PTPRM: variants seen among roughly 807,000 people sequenced by gnomAD.
PTPRM encodes the protein protein tyrosine phosphatase receptor type M.
A neutral mutation model predicts 186.7 loss-of-function variants in PTPRM; 47 were observed. The observed-to-expected ratio is 0.25, with a 90% confidence interval of 0.20 to 0.32. The LOEUF is 0.32. PTPRM is among the 10% of genes least tolerant of loss of function. The pLI, the probability that PTPRM is intolerant of heterozygous loss-of-function variation, is 1.00. For missense variants in PTPRM, 1,494 were observed against 1,865.0 expected (o/e 0.80, Z 3.66); for synonymous variants, 668 against 674.9 (o/e 0.99, Z 0.16).
intron 11 of PTPRM, among the ~76,000 whole-genome samples, chr18:8,099,755 C>A (rs2091201151): frequency 6.6e-6 from 1 of 152,148 alleles, no homozygotes; most frequent in South Asian, 2.1e-4. Context: ...ACAATTCATA[C>A]AAGTTAATAG....
At chr18:8,069,451 T>C (rs1046835580) in intron 7 of PTPRM, among the ~76,000 whole-genome samples, 13 of 152,344 alleles carry the variant, frequency 8.5e-5, no homozygotes, top group African/African-American at 3.1e-4. Flanking sequence ...TTTCATCTTA[T>C]ATGCCATTCA....
chr18:8,198,445 G>T (rs922579554), intron 14 of PTPRM, among the ~76,000 whole-genome samples: 1 of 151,988 alleles, frequency 6.6e-6, no homozygotes, highest in Non-Finnish European at 1.5e-5. Context: ...CATCACACCC[G>T]GCCAAAATTT....
chr18:7,641,871 T>G (rs1342071027), intron 1 of PTPRM, among the ~76,000 whole-genome samples: 1 of 152,184 alleles, frequency 6.6e-6, no homozygotes, highest in Non-Finnish European at 1.5e-5. Flanking sequence ...ATGAATTCAC[T>G]TTACAGATGA....
intron 31 of PTPRM, among the ~76,000 whole-genome samples, chr18:8,389,569 C>G (rs1391104592): frequency 6.6e-6 from 1 of 152,220 alleles, no homozygotes; most frequent in Non-Finnish European, 1.5e-5. Flanking sequence ...CTTTGGAATA[C>G]TCCCCCCTCC....
chr18:8,303,329 C>T (rs2095181695), intron 20 of PTPRM, among the ~76,000 whole-genome samples: 1 of 152,096 alleles, frequency 6.6e-6, no homozygotes, highest in African/African-American at 2.4e-5. Flanking sequence ...CGAGGTGTGA[C>T]TAATCAGTGA....
In PTPRM at chr18:7,622,516, T is replaced by A. The variant is rs7228736; in HGVS notation, c.73+54625T>A. ...GCTATTAACAGGGCTCTTGTCTGTA[T>A]GATGTAAACAATTAGAAGGAAGGAC... is the stretch of plus-strand genomic sequence containing the variant. On this transcript the variant is annotated intron_variant, in intron 1 of 32. Coordinates refer to ENST00000580170, the MANE Select transcript of PTPRM (RefSeq NM_001105244.2). Among the ~76,000 whole-genome samples, 6 of 151,952 alleles carry A rather than the reference T, an allele frequency of 3.9e-5. No individual in the cohort carries two copies. The South Asian group carries it at 1.2e-3, about 32-fold the overall frequency.
chr18:7,931,670 C>T (rs1053566789), intron 5 of PTPRM, among the ~76,000 whole-genome samples: 11 of 152,036 alleles, frequency 7.2e-5, no homozygotes, highest in African/African-American at 1.7e-4. Context: ...CACTGCACTC[C>T]GTCTCAAAAA....
At position 8,384,752 on chromosome 18, in the gene PTPRM, G is replaced by A. The variant is rs1359396061; in HGVS notation, c.4044+66G>A. On this transcript the variant is annotated intron_variant, in intron 30 of 32. Coordinates refer to ENST00000580170, the MANE Select transcript of PTPRM (RefSeq NM_001105244.2). ...TTATTTTCTCACTCACTGAATACTT[G>A]GAGCACTCACTCTATGTCAGTCACT... 8.2e-6 allele frequency: 13 copies of A among 1,584,548 alleles called. No homozygotes were observed. In the South Asian group the frequency reaches 1.0e-4, roughly 12 times the overall value.
At chr18:8,151,120 TGAG>T (rs1466903887) in intron 14 of PTPRM, among the ~76,000 whole-genome samples, 1 of 152,044 alleles carries the variant, frequency 6.6e-6, no homozygotes, top group African/African-American at 2.4e-5. Flanking sequence ...GGGACCCACT[TGAG>T]GAGGCACTCT....
chr18:7,631,484 G>A (rs1483643638), intron 1 of PTPRM, among the ~76,000 whole-genome samples: 6 of 148,696 alleles, frequency 4.0e-5, no homozygotes, highest in African/African-American at 7.6e-5. Context: ...ACGATATGCC[G>A]GGGGATTAAT....
chr18:8,002,759 A>G (rs2083942961), intron 7 of PTPRM, among the ~76,000 whole-genome samples: 3 of 152,206 alleles, frequency 2.0e-5, no homozygotes, highest in Admixed American at 1.3e-4. Context: ...TTGAGAACCA[A>G]TAAAGTATCA....
In PTPRM at chr18:7,822,882, G is replaced by A. The variant is rs141548767; in HGVS notation, c.196+48611G>A. Among the ~76,000 whole-genome samples the A allele has an allele frequency of 5.5e-4, 84 of 152,126 alleles. 1 individual carries two copies. The highest frequency in any genetic ancestry group is 1.9e-3 in the South Asian group (9 of 4,802). On this transcript the variant is annotated intron_variant, in intron 2 of 32. Transcript: ENST00000580170. Reference sequence around the variant, plus strand: ...TGCCTTTTGCACTTCCTTTCCTGCCGCAGCTGTGTGCTGTGGGCCAGGCTT... The same window carrying A: ...TGCCTTTTGCACTTCCTTTCCTGCCACAGCTGTGTGCTGTGGGCCAGGCTT...
In PTPRM at chr18:7,767,199, AC is replaced by A. The variant is rs564942640; in HGVS notation, c.74-6946del. ...TAAACAGTCTTAGGTGATGGCTCTC[AC>A]CCCAAAACCTTAAGAATACAAGTAG... On this transcript the variant is annotated intron_variant, in intron 1 of 32. Coordinates refer to ENST00000580170, the MANE Select transcript of PTPRM (RefSeq NM_001105244.2). Among the ~76,000 whole-genome samples the A allele has an allele frequency of 2.1e-4, 32 of 152,306 alleles. No homozygotes were observed. The South Asian group carries it at 6.4e-3, about 31-fold the overall frequency.
intron 2 of PTPRM, among the ~76,000 whole-genome samples, chr18:7,852,094 G>T (rs1567916349): frequency 6.6e-6 from 1 of 152,246 alleles, no homozygotes; most frequent in South Asian, 2.1e-4. Context: ...CTAGAAGAGA[G>T]CAGTAAAGGG....
At chr18:7,768,189 T>A (rs546991060) in intron 1 of PTPRM, among the ~76,000 whole-genome samples, 2 of 152,314 alleles carry the variant, frequency 1.3e-5, no homozygotes, top group Admixed American at 6.5e-5. Context: ...CCCAACTCCA[T>A]TTTCTTTGAT....
chr18:7,842,603 G>A (rs761236684), intron 2 of PTPRM, among the ~76,000 whole-genome samples: 1 of 151,988 alleles, frequency 6.6e-6, no homozygotes, highest in East Asian at 1.9e-4. Flanking sequence ...ATATGGGTGA[G>A]CCTCATTCAA....
intron 23 of PTPRM, among the ~76,000 whole-genome samples, chr18:8,358,749 G>C (rs974099536): frequency 6.6e-6 from 1 of 152,180 alleles, no homozygotes; most frequent in Non-Finnish European, 1.5e-5. Context: ...CAGACCATAG[G>C]CTTCTGTGAG....
chr18:8,032,906 T>C (rs996157313), intron 7 of PTPRM, among the ~76,000 whole-genome samples: 6 of 152,194 alleles, frequency 3.9e-5, no homozygotes, highest in Admixed American at 3.3e-4. Context: ...AGATTAAGGT[T>C]TAACTGAAAC....
At chr18:8,371,811 G>A (rs1263937312) in intron 24 of PTPRM, 1 of 152,534 alleles carries the variant, frequency 6.6e-6, no homozygotes, top group Non-Finnish European at 1.5e-5. Context: ...AGTGTCACAG[G>A]TAGGCTCTGG....
Sources: gnomAD v4.1 joint callset for allele counts (sites outside exome capture counted in the v4.1 genomes callset) on GRCh38, gnomAD v4.1.1 for gene constraint, MANE v1.5 for transcripts, NCBI Gene and HGNC (gene_info 2026-07-23, HGNC 2026-07-21) for gene names.